DNAI3: variants seen among roughly 807,000 people sequenced by gnomAD.
DNAI3 encodes dynein axonemal intermediate chain 3, also known as WD repeat domain 63.
In DNAI3, 83 loss-of-function variants were observed where a neutral mutation model predicts 115.5. The observed-to-expected ratio is 0.72, with a 90% CI of 0.60 to 0.86. The LOEUF is 0.86. Ranked by LOEUF, DNAI3 falls within the 40% of genes least tolerant of loss-of-function variation. The probability of loss-of-function intolerance (pLI) is 0.00; values close to 1 mark genes in which losing one functional copy is unlikely to be tolerated. For synonymous variants in DNAI3, 320 were observed against 347.0 expected, an observed-to-expected ratio of 0.92 and a Z score of 0.86; for missense variants, 1,004 against 1,075.8, an observed-to-expected ratio of 0.93 and a Z score of 0.93.
intron 12 of DNAI3, 51 bp from the exon 13 acceptor site, chr1:85,098,479 A>G (rs766599895): frequency 8.8e-6 from 14 of 1,591,960 alleles, no homozygotes; most frequent in Non-Finnish European, 1.2e-5. Flanking sequence ...GTATGAGTTC[A>G]TTCATCAGCC....
rs552163334 is a variant in DNAI3, at chr1:85,124,809, C to G, written c.2112+558C>G. Among the ~76,000 whole-genome samples the G allele has an allele frequency of 2.6e-5, 4 of 152,326 alleles. No individual in the cohort carries two copies. In the East Asian group the frequency reaches 7.7e-4, roughly 29 times the overall value. On this transcript the variant is annotated intron_variant, in intron 19 of 22. Transcript: ENST00000294664. ...TCGGCCTCCCGAAGTGCTGGGATTACAGGTGTGACACCACACCTGAACTTG... is the reference window on the plus strand; with the variant it reads ...TCGGCCTCCCGAAGTGCTGGGATTAGAGGTGTGACACCACACCTGAACTTG...
Position 85,082,355 on chromosome 1 carries a change from T to C in DNAI3, c.341T>C (p.Leu114Pro). ...TATGACAAAGACTTCAAATATGGAC[T>C]TAACTTTTATCTTATTGCAACTGAA... Reference protein sequence around the residue: ...LVYDKDFKYGLNFYLIATEEG... With the variant: ...LVYDKDFKYGPNFYLIATEEG... The change falls in exon 5 of 23, where the codon CTT becomes CCT. Residue 114 changes from leucine (L) to proline (P), a missense_variant. By Grantham distance (98) the Leu-to-Pro change is moderately conservative. Transcript: ENST00000294664. 6.2e-7 allele frequency: 1 copy of C among 1,614,002 alleles called. No homozygotes were observed. The highest frequency in any genetic ancestry group is 8.5e-7 in the Non-Finnish European group (1 of 1,179,934).
chr1:85,073,243 A>C (rs973083222), intron 3 of DNAI3, 151 bp downstream of exon 3: 3 of 512,432 alleles, frequency 5.9e-6, no homozygotes, highest in Non-Finnish European at 9.4e-6. Context: ...TAAAATGAAA[A>C]ATTTTTAAAA....
chr1:85,068,567 T>C (rs1484192928), intron 1 of DNAI3, among the ~76,000 whole-genome samples: 2 of 152,188 alleles, frequency 1.3e-5, no homozygotes, highest in African/African-American at 2.4e-5. Flanking sequence ...AACACAGCAG[T>C]CATATTGATC....
chr1:85,097,735 G>C (rs1183218887), intron 12 of DNAI3, 80 bp downstream of exon 12: 1 of 1,259,364 alleles, frequency 7.9e-7, no homozygotes, highest in African/African-American at 1.6e-5. Context: ...AGTTGCCAAG[G>C]CTAATAAAAA....
chr1:85,067,527 C>T (rs1363194318), intron 1 of DNAI3, among the ~76,000 whole-genome samples: 1 of 152,176 alleles, frequency 6.6e-6, no homozygotes, highest in Non-Finnish European at 1.5e-5. Flanking sequence ...TAAACTGATA[C>T]CTGTATTCAA....
intron 13 of DNAI3, 70 bp downstream of exon 13, chr1:85,098,728 G>A (rs1163451053): frequency 3.2e-6 from 5 of 1,573,732 alleles, no homozygotes; most frequent in Non-Finnish European, 2.6e-6. Context: ...CAAAGAAGAT[G>A]TTTCAAGTCA....
At chr1:85,087,167 G>A (rs555589644) in intron 7 of DNAI3, among the ~76,000 whole-genome samples, 2 of 152,166 alleles carry the variant, frequency 1.3e-5, no homozygotes, top group South Asian at 4.2e-4. Flanking sequence ...GCCGGGCACC[G>A]TGACTCACGC....
intron 10 of DNAI3, among the ~76,000 whole-genome samples, chr1:85,095,696 G>A (rs1013011977): frequency 6.6e-6 from 1 of 152,126 alleles, no homozygotes; most frequent in African/African-American, 2.4e-5. Context: ...GTGGGTTGGG[G>A]AATACCTGGG....
intron 13 of DNAI3, among the ~76,000 whole-genome samples, chr1:85,104,075 AT>A (rs1655410971): frequency 6.6e-6 from 1 of 151,244 alleles, no homozygotes; most frequent in East Asian, 1.9e-4. Context: ...ATTGTATTTA[AT>A]TTTAAACCTT....
chr1:85,093,805 G>A, intron 9 of DNAI3, 157 bp downstream of exon 9: 1 of 835,378 alleles, frequency 1.2e-6, no homozygotes, highest in East Asian at 2.7e-5. Flanking sequence ...CGCCCTCACT[G>A]TCATGTGTCC....
chr1:85,079,269 T>C (rs1654553731), intron 3 of DNAI3, among the ~76,000 whole-genome samples: 2 of 152,216 alleles, frequency 1.3e-5, no homozygotes, highest in East Asian at 1.9e-4. Flanking sequence ...TTGAGGGAGA[T>C]AAAAGTGTAT....
intron 19 of DNAI3, among the ~76,000 whole-genome samples, chr1:85,124,690 C>T (rs920035632): frequency 6.6e-6 from 1 of 152,090 alleles, no homozygotes; most frequent in Non-Finnish European, 1.5e-5. Context: ...GCCACCAAGC[C>T]CAGCTTTTTT....
At chr1:85,128,537 T>C (rs1656217442) in intron 20 of DNAI3, among the ~76,000 whole-genome samples, 171 bp from the exon 21 acceptor site, 3 of 152,164 alleles carry the variant, frequency 2.0e-5, no homozygotes, top group Admixed American at 2.0e-4. Context: ...AAAAATGACT[T>C]GTACATGTTT....
At position 85,126,562 on chromosome 1, in the gene DNAI3, C is replaced by T; in HGVS notation, c.2164C>T (p.His722Tyr). The T allele has an allele frequency of 2.5e-6, 4 of 1,614,088 alleles. No individual in the cohort carries two copies. The highest frequency in any genetic ancestry group is 3.4e-6 in the Non-Finnish European group (4 of 1,179,994). The change falls in exon 20 of 23, where the codon CAC becomes TAC. Residue 722 changes from histidine (H) to tyrosine (Y), a missense_variant. His to Tyr is a moderately conservative substitution (Grantham distance 83, BLOSUM62 2). Coordinates refer to ENST00000294664, the MANE Select transcript of DNAI3 (RefSeq NM_145172.5). ...CCAPKRYTSG[H>Y]WSLTRPGVFY... The stretch of plus-strand genomic sequence containing the variant: ...TGCACCAAAAAGGTACACCTCAGGC[C>T]ACTGGTCCCTGACTCGGCCCGGAGT...
intron 13 of DNAI3, among the ~76,000 whole-genome samples, chr1:85,104,164 A>G (rs1270241463): frequency 3.0e-5 from 4 of 132,050 alleles, no homozygotes; most frequent in African/African-American, 1.2e-4. Context: ...TCTGTCGCCC[A>G]GGCTGGAGTG....
At chr1:85,103,812 G>A (rs1407495629) in intron 13 of DNAI3, among the ~76,000 whole-genome samples, 1 of 151,204 alleles carries the variant, frequency 6.6e-6, no homozygotes, top group Admixed American at 6.6e-5. Context: ...ACTTGAACCT[G>A]GGAGGCTGAG....
chr1:85,130,711 AG>A (rs1656295546), intron 22 of DNAI3, among the ~76,000 whole-genome samples: 1 of 125,870 alleles, frequency 7.9e-6, no homozygotes, highest in Non-Finnish European at 1.7e-5. Context: ...ATAGATAGAT[AG>A]ATAGATAAAT....
At chr1:85,124,685 C>A (rs974554198) in intron 19 of DNAI3, among the ~76,000 whole-genome samples, 1 of 152,164 alleles carries the variant, frequency 6.6e-6, no homozygotes, top group African/African-American at 2.4e-5. Context: ...TGTACGCCAC[C>A]AAGCCCAGCT....
Sources: allele counts gnomAD v4.1 joint callset (sites outside exome capture counted in the v4.1 genomes callset), GRCh38; gene constraint gnomAD v4.1.1; transcripts MANE v1.5; gene names NCBI Gene and HGNC (gene_info 2026-07-23, HGNC 2026-07-21).